Variants in PCDHGA9 observed in about 807,000 individuals in gnomAD.
PCDHGA9 encodes the protein protocadherin gamma subfamily A, 9.
In PCDHGA9, 37 loss-of-function variants were observed where a neutral mutation model predicts 62.5. The observed-to-expected ratio is 0.59, with a 90% CI of 0.46 to 0.78. The LOEUF (loss-of-function observed/expected upper bound fraction) is 0.78. PCDHGA9 is among the 30% of genes least tolerant of loss of function. The pLI is 0.00. For missense variants in PCDHGA9, 1,138 were observed against 1,166.2 expected (o/e 0.98, Z 0.35); for synonymous variants, 459 against 484.6 (o/e 0.95, Z 0.69).
intron 1 of PCDHGA9, chr5:141,409,818 C>G (rs1027344375): frequency 3.7e-6 from 6 of 1,610,800 alleles, no homozygotes; most frequent in African/African-American, 1.3e-5. Flanking sequence ...GACCACGGCT[C>G]GCCCACGCTC....
rs559544645 is a variant in PCDHGA9, at chr5:141,405,144, G to C, written c.2192G>C (p.Gly731Ala). ...CATCTGCTGCGGGCTACCAGTGATGGGTTGGCTGGTGTGCCCACCTCACAC... is the reference window on the plus strand; with the variant it reads ...CATCTGCTGCGGGCTACCAGTGATGCGTTGGCTGGTGTGCCCACCTCACAC... ...SSHLLRATSD[G>A]LAGVPTSHFV... Residue 731 changes from glycine to alanine, a missense_variant, in exon 1 of 4, where the codon GGG (glycine) becomes GCG (alanine). Gly to Ala is a moderately conservative substitution (Grantham distance 60). Coordinates refer to ENST00000573521, the MANE Select transcript of PCDHGA9 (RefSeq NM_018921.3). 1.1e-4 allele frequency: 184 copies of C among 1,614,070 alleles called. 1 individual carries two copies. The South Asian group carries it at 1.9e-3, about 17-fold the overall frequency.
In PCDHGA9 at chr5:141,426,319, C is replaced by A. The variant is rs572457971; in HGVS notation, c.2424+20943C>A. On this transcript the variant is annotated intron_variant, in intron 1 of 3. Coordinates refer to ENST00000573521, the MANE Select transcript of PCDHGA9 (RefSeq NM_018921.3). ...CAGGGTGAAGCAGAGAAGCAGGACC[C>A]GGCAGTGGCAAGCACTCTTCCCTTT... 9 of 175,482 alleles carry A rather than the reference C, an allele frequency of 5.1e-5. No homozygotes were observed. In the East Asian group the frequency reaches 6.8e-4, roughly 13 times the overall value. The allele number at this position is 175,482 out of a possible 1,614,324, so 10.9% of individuals were successfully genotyped here.
chr5:141,502,750 A>G (rs974131144), intron 2 of PCDHGA9, among the ~76,000 whole-genome samples: 3 of 151,928 alleles, frequency 2.0e-5, no homozygotes, highest in Non-Finnish European at 4.4e-5. Context: ...TTCCTTCTAC[A>G]TGTATTTGCT....
At position 141,409,627 on chromosome 5, in the gene PCDHGA9, C is replaced by A. The variant is rs761778894; in HGVS notation, c.2424+4251C>A. ...CAGGAGCCTCCATTGCGCAAGTGAG[C>A]GCCTCTGACCCGGATTTGGGGCTCA... On this transcript the variant is annotated intron_variant, in intron 1 of 3. Coordinates refer to ENST00000573521, the MANE Select transcript of PCDHGA9 (RefSeq NM_018921.3). 5.0e-5 allele frequency: 80 copies of A among 1,613,716 alleles called. No individual in the cohort carries two copies. The Admixed American group carries it at 1.2e-3, about 24-fold the overall frequency.
chr5:141,428,061 G>A (rs755817800), intron 1 of PCDHGA9: 1 of 1,609,154 alleles, frequency 6.2e-7, no homozygotes, highest in South Asian at 1.1e-5. Flanking sequence ...GGTGGCGGTG[G>A]ACGCAGATTC....
chr5:141,437,719 TA>T (rs1316054877), intron 1 of PCDHGA9, among the ~76,000 whole-genome samples: 1 of 151,332 alleles, frequency 6.6e-6, no homozygotes, highest in African/African-American at 2.4e-5. Context: ...AGTTACCCTC[TA>T]ATGTTACACT....
chr5:141,424,134 A>G (rs1255504512), intron 1 of PCDHGA9: 7 of 444,220 alleles, frequency 1.6e-5, no homozygotes, highest in Non-Finnish European at 2.2e-5. Context: ...TTGATTTAAT[A>G]GCATGCTCCC....
intron 1 of PCDHGA9, chr5:141,420,142 G>T: frequency 4.3e-6 from 7 of 1,614,004 alleles, no homozygotes; most frequent in Non-Finnish European, 5.9e-6. Flanking sequence ...GGGATCAAAT[G>T]AATCCAGAAT....
Position 141,432,602 on chromosome 5 carries a change from G to A in PCDHGA9, c.2424+27226G>A. The A allele has an allele frequency of 6.2e-7, 1 of 1,613,966 alleles. No homozygotes were observed. Among genetic ancestry groups the A allele is most frequent in the Non-Finnish European group, 8.5e-7 (1 of 1,179,972 alleles). On this transcript the variant is annotated intron_variant, in intron 1 of 3. Transcript: ENST00000573521. This position sits in a 1 kb window ranked among gnomAD's most constrained non-coding sequence, Gnocchi z 6.0. ...CCGTCTGCTCAAGGCCAGCGAGCCG[G>A]GACTCTTCTCGGTGGGTCTGCACAC...
chr5:141,487,392 G>A lies in PCDHGA9; in HGVS notation c.2425-7415G>A, dbSNP rs773126086. 2 of 1,614,176 alleles carry A rather than the reference G, an allele frequency of 1.2e-6. No individual in the cohort carries two copies. Among genetic ancestry groups the A allele is most frequent in the Non-Finnish European group, 1.7e-6 (2 of 1,180,024 alleles). On this transcript the variant is annotated intron_variant, in intron 1 of 3. Transcript: ENST00000573521. This position sits in a 1 kb window ranked among gnomAD's most constrained non-coding sequence, Gnocchi z 5.0. ...GCCTGTCTCACCAGATCTCGAAGGA[G>A]GGAGGGGCTTCCCCCTTCCAATGGG...
intron 2 of PCDHGA9, among the ~76,000 whole-genome samples, chr5:141,495,720 G>A (rs1048453188): frequency 2.6e-5 from 4 of 152,080 alleles, no homozygotes; most frequent in Non-Finnish European, 5.9e-5. Context: ...GTAACTACAC[G>A]GGACCCTTAG....
Position 141,403,121 on chromosome 5 carries a change from C to G in PCDHGA9, c.169C>G (p.Arg57Gly). The change falls in exon 1 of 4, where the codon CGG becomes GGG. Residue 57 changes from arginine (R) to glycine (G), a missense_variant. Coordinates refer to ENST00000573521, the MANE Select transcript of PCDHGA9 (RefSeq NM_018921.3). Reference sequence around the variant, plus strand: ...CTCCAAGGACCTGGCTCTGGAGCCCCGGGAGCTGGCGGAGCGCCGAGTCCG... The same window carrying G: ...CTCCAAGGACCTGGCTCTGGAGCCCGGGGAGCTGGCGGAGCGCCGAGTCCG... ...NISKDLALEP[R>G]ELAERRVRIV... is the part of the protein sequence containing the mutation. 6.2e-7 allele frequency: 1 copy of G among 1,614,046 alleles called. No individual in the cohort carries two copies. The highest frequency in any genetic ancestry group is 1.1e-5 in the South Asian group (1 of 91,086).
rs200464357 is a variant in PCDHGA9 at position 141,489,983 on chromosome 5, G to A, written c.2425-4824G>A. 4.5e-5 allele frequency: 73 copies of A among 1,614,172 alleles called. No homozygotes were observed. Among genetic ancestry groups the A allele is most frequent in the Middle Eastern group, 3.3e-4 (2 of 6,062 alleles). ...CCAACCTTCCAATCCTCAGTTCTAC[G>A]TGTGGGAATCCCAGAGAATGCACCC... On this transcript the variant is annotated intron_variant, in intron 1 of 3. Coordinates refer to ENST00000573521, the MANE Select transcript of PCDHGA9 (RefSeq NM_018921.3). This position sits in a 1 kb window ranked among gnomAD's most constrained non-coding sequence, Gnocchi z 4.5.
Position 141,491,034 on chromosome 5 carries a change from T to G in PCDHGA9, c.2425-3773T>G, listed in dbSNP as rs375902824. 1 of 1,614,170 alleles carries G rather than the reference T, an allele frequency of 6.2e-7. No homozygotes were observed. The highest frequency in any genetic ancestry group is 8.5e-7 in the Non-Finnish European group (1 of 1,180,024). On this transcript the variant is annotated intron_variant, in intron 1 of 3. Coordinates refer to ENST00000573521, the MANE Select transcript of PCDHGA9 (RefSeq NM_018921.3). The surrounding 1 kb of genome is among the most constrained non-coding windows in gnomAD (Gnocchi z 6.9). ...CCAAGGTGACAGCCGTGGATGCTGATGCAGGCCACAATGCGTGGCTCTCCT... is the reference window on the plus strand; with the variant it reads ...CCAAGGTGACAGCCGTGGATGCTGAGGCAGGCCACAATGCGTGGCTCTCCT...
chr5:141,426,542 T>C, intron 1 of PCDHGA9: 1 of 347,918 alleles, frequency 2.9e-6, no homozygotes, highest in South Asian at 2.2e-5. Context: ...AACATACTTG[T>C]GAGTGACAGA....
chr5:141,425,949 C>T (rs2096905190), intron 1 of PCDHGA9, among the ~76,000 whole-genome samples: 1 of 152,224 alleles, frequency 6.6e-6, no homozygotes. Flanking sequence ...GTTTCCTATA[C>T]ATTAGTCCAA....
Position 141,489,793 on chromosome 5 carries a change from C to T in PCDHGA9, c.2425-5014C>T, listed in dbSNP as rs749700050. On this transcript the variant is annotated intron_variant, in intron 1 of 3. Transcript: ENST00000573521. The surrounding 1 kb of genome is among the most constrained non-coding windows in gnomAD (Gnocchi z 4.5). ...CCACTTCTCTCTGAATGTGAAGACC[C>T]TAAAAGATGGGAAGCCATTCCCAGA... The T allele has an allele frequency of 6.2e-7, 1 of 1,614,044 alleles. No homozygotes were observed. Among genetic ancestry groups the T allele is most frequent in the Non-Finnish European group, 8.5e-7 (1 of 1,180,010 alleles).
intron 1 of PCDHGA9, among the ~76,000 whole-genome samples, chr5:141,454,989 T>C (rs1460420144): frequency 6.6e-6 from 1 of 151,506 alleles, no homozygotes; most frequent in East Asian, 2.0e-4. Context: ...TTAAAAAATA[T>C]TTTTAGTAGA....
intron 1 of PCDHGA9, among the ~76,000 whole-genome samples, chr5:141,466,757 T>G (rs1486124876): frequency 6.6e-6 from 1 of 152,224 alleles, no homozygotes; most frequent in Non-Finnish European, 1.5e-5. Context: ...AGGGGCTCTT[T>G]TCAAACTGTT....
Sources: allele counts gnomAD v4.1 joint callset (sites outside exome capture counted in the v4.1 genomes callset), GRCh38; gene constraint gnomAD v4.1.1; non-coding constraint Gnocchi (gnomAD v3.1); transcripts MANE v1.5; gene names NCBI Gene and HGNC (gene_info 2026-07-23, HGNC 2026-07-21).